Variants in CENPE observed in about 807,000 individuals in gnomAD.
CENPE encodes centromere protein E, also known as centromere-associated protein E.
CENPE carries 145 observed loss-of-function variants against 336.1 expected under a neutral mutation model. The observed-to-expected ratio is 0.43, with a 90% confidence interval of 0.38 to 0.50. The LOEUF (loss-of-function observed/expected upper bound fraction) is 0.50, where lower values mean the gene tolerates loss of function less well. Ranked by LOEUF, CENPE falls within the 20% of genes least tolerant of loss-of-function variation. The probability of loss-of-function intolerance (pLI) is 0.00; values close to 1 mark genes in which losing one functional copy is unlikely to be tolerated. For missense variants in CENPE, 2,719 were observed against 3,023.3 expected (o/e 0.90, Z 2.36); for synonymous variants, 1,013 against 984.8 (o/e 1.03, Z -0.54).
chr4:103,194,150 A>T (rs369187358), intron 8 of CENPE, 79 bp downstream of exon 8: 57 of 1,082,808 alleles, frequency 5.3e-5, no homozygotes, highest in Non-Finnish European at 7.2e-5. Context: ...AACAGTTCTT[A>T]TTAAACCAAA....
intron 21 of CENPE, 59 bp downstream of exon 21, chr4:103,160,554 ATATTTAAGGCAC>A: frequency 7.6e-7 from 1 of 1,309,060 alleles, no homozygotes; most frequent in Non-Finnish European, 1.1e-6. Context: ...CTATACCAAA[ATATTTAAGGCAC>A]TATTATCGCA....
intron 40 of CENPE, 66 bp downstream of exon 40, chr4:103,136,075 A>C: frequency 7.6e-7 from 1 of 1,313,312 alleles, no homozygotes; most frequent in Non-Finnish European, 1.1e-6. Context: ...CACCTGAAGC[A>C]GGACTTAAAT....
chr4:103,160,540 T>C (rs901290191), intron 21 of CENPE, 85 bp downstream of exon 21: 29 of 1,179,912 alleles, frequency 2.5e-5, no homozygotes, highest in Non-Finnish European at 3.5e-5. Flanking sequence ...TAGTTTAAAA[T>C]AAACTATACC....
At chr4:103,144,270 A>T in intron 33 of CENPE, 61 bp downstream of exon 33, 1 of 1,434,410 alleles carries the variant, frequency 7.0e-7, no homozygotes, top group Non-Finnish European at 9.5e-7. Flanking sequence ...ACCCTATGGC[A>T]GATTTTTCTC....
intron 44 of CENPE, among the ~76,000 whole-genome samples, chr4:103,117,299 T>C (rs1750215039): frequency 6.6e-6 from 1 of 152,218 alleles, no homozygotes; most frequent in South Asian, 2.1e-4. Flanking sequence ...AAGTGATGAA[T>C]ATTGATACAT....
chr4:103,194,992 A>C, intron 5 of CENPE, 122 bp downstream of exon 5: 1 of 827,658 alleles, frequency 1.2e-6, no homozygotes, highest in South Asian at 2.3e-5. Context: ...CTTCAAAAAA[A>C]CCCTCACATA....
At chr4:103,154,486 T>A (rs1020830795) in intron 24 of CENPE, among the ~76,000 whole-genome samples, 4 of 152,164 alleles carry the variant, frequency 2.6e-5, no homozygotes, top group African/African-American at 9.7e-5. Flanking sequence ...CCCTTATTGT[T>A]GGCAATATGC....
intron 28 of CENPE, 113 bp downstream of exon 28, chr4:103,148,731 A>G: frequency 1.0e-6 from 1 of 969,198 alleles, no homozygotes; most frequent in Non-Finnish European, 1.6e-6. Context: ...CTCGACAAAT[A>G]CTTACCCAGT....
chr4:103,137,864 T>C (rs1752198742), intron 39 of CENPE, among the ~76,000 whole-genome samples: 4 of 152,198 alleles, frequency 2.6e-5, no homozygotes. Context: ...AGTCAGATTA[T>C]GTTTCTCTTG....
intron 9 of CENPE, among the ~76,000 whole-genome samples, chr4:103,185,467 T>G (rs952428670): frequency 6.6e-6 from 1 of 152,096 alleles, no homozygotes; most frequent in Admixed American, 6.6e-5. Context: ...TAAAAATTAA[T>G]ATCTGCATAT....
intron 35 of CENPE, among the ~76,000 whole-genome samples, 176 bp from the exon 36 acceptor site, chr4:103,141,280 C>T (rs1752537623): frequency 6.6e-6 from 1 of 152,110 alleles, no homozygotes; most frequent in African/African-American, 2.4e-5. Context: ...TGCTCATCTT[C>T]AATGTATAAC....
intron 25 of CENPE, 120 bp from the exon 26 acceptor site, chr4:103,151,497 A>T: frequency 2.8e-6 from 2 of 710,126 alleles, no homozygotes; most frequent in South Asian, 3.1e-5. Context: ...CTATATAGGA[A>T]AAGACAAATT....
intron 1 of CENPE, among the ~76,000 whole-genome samples, 168 bp downstream of exon 1, chr4:103,198,096 G>A (rs975665347): frequency 6.6e-6 from 1 of 152,238 alleles, no homozygotes; most frequent in Non-Finnish European, 1.5e-5. Context: ...CTAGATCTCC[G>A]ATCCTCCCCT....
intron 48 of CENPE, among the ~76,000 whole-genome samples, chr4:103,108,392 T>C (rs1244330963): frequency 3.9e-5 from 6 of 152,184 alleles, no homozygotes; most frequent in East Asian, 1.9e-4. Context: ...AACAATTTTA[T>C]TGACTGAATA....
chr4:103,161,378 G>A lies in CENPE; in HGVS notation c.1922C>T (p.Ser641Leu). The A allele has an allele frequency of 6.2e-7, 1 of 1,612,268 alleles. No homozygotes were observed. Among genetic ancestry groups the A allele is most frequent in the Non-Finnish European group, 8.5e-7 (1 of 1,179,182 alleles). Residue 641 changes from serine (S) to leucine (L), a missense_variant, in exon 19 of 49, where the codon TCA becomes TTA. Physicochemically the swap from Ser to Leu is moderately radical, Grantham distance 145. This residue lies in a region of CENPE where 2,437 missense variants were observed against 2,513.3 expected (regional missense o/e 0.97). Transcript: ENST00000265148. ...CAGATTTTCACTTCTAAGAAAGGCT[G>A]ATTCTCTCTTGGCATCAAGGGCTAC... is the stretch of plus-strand genomic sequence containing the variant. ...ETVALDAKRE[S>L]AFLRSENLEL...
In CENPE at chr4:103,136,057, T is replaced by G. The variant is rs182065603; in HGVS notation, c.6522+84A>C. On this transcript the variant is annotated intron_variant, in intron 40 of 48. Transcript: ENST00000265148. Reference sequence around the variant, plus strand: ...GGTAGTAAGAATACTAAATAGCAAATATGCCGGCACCTGAAGCAGGACTTA... The same window carrying G: ...GGTAGTAAGAATACTAAATAGCAAAGATGCCGGCACCTGAAGCAGGACTTA... 4.7e-5 allele frequency: 53 copies of G among 1,131,196 alleles called. 1 individual carries two copies. In the East Asian group the frequency reaches 1.3e-3, roughly 27 times the overall value. 70.1% of individuals were successfully genotyped at this position (1,131,196 alleles called of 1,614,324 possible).
intron 40 of CENPE, among the ~76,000 whole-genome samples, chr4:103,135,227 G>C (rs1751963654): frequency 6.6e-6 from 1 of 152,078 alleles, no homozygotes; most frequent in Non-Finnish European, 1.5e-5. Flanking sequence ...CCTATATGCT[G>C]ATCAGTCTCA....
At position 103,145,159 on chromosome 4, in the gene CENPE, T is replaced by C; in HGVS notation, c.4748A>G (p.Glu1583Gly). ...TTCCTTAATCATAATTTGTATTTCT[T>C]CTTGACTTTCTTGAAGTCTGTTGGT... Reference protein sequence around the residue: ...ELTNRLQESQEEIQIMIKEKE... With the variant: ...ELTNRLQESQGEIQIMIKEKE... The change falls in exon 32 of 49, where the codon GAA becomes GGA. Residue 1583 changes from glutamate to glycine, a missense_variant. Glu to Gly is a moderately conservative substitution (Grantham distance 98). Around this residue, in one of 5 missense-constraint regions of CENPE, gnomAD observed 2,437 missense variants for 2,513.3 expected, o/e 0.97. Coordinates refer to ENST00000265148, the MANE Select transcript of CENPE (RefSeq NM_001813.3). 1.2e-6 allele frequency: 2 copies of C among 1,613,332 alleles called. No individual in the cohort carries two copies. The highest frequency in any genetic ancestry group is 2.7e-5 in the African/African-American group (2 of 75,012).
chr4:103,110,034 T>C (rs1749251214), intron 47 of CENPE, among the ~76,000 whole-genome samples: 1 of 152,192 alleles, frequency 6.6e-6, no homozygotes, highest in South Asian at 2.1e-4. Flanking sequence ...TCCCCTGGCC[T>C]GGAAAACTTA....
Sources: allele counts gnomAD v4.1 joint callset (sites outside exome capture counted in the v4.1 genomes callset), GRCh38; gene constraint gnomAD v4.1.1; regional missense constraint gnomAD v4.1.1; transcripts MANE v1.5; gene names NCBI Gene and HGNC (gene_info 2026-07-23, HGNC 2026-07-21).